CATSPERE: variants seen among roughly 807,000 people sequenced by gnomAD.
CATSPERE encodes the protein cation channel sperm-associated auxiliary subunit epsilon.
CATSPERE carries 93 observed loss-of-function variants against 114.1 expected under a neutral mutation model. The ratio of observed to expected loss-of-function variants is 0.81; its 90% CI spans 0.69 to 0.97. CATSPERE has a LOEUF of 0.97. Ranked by LOEUF, CATSPERE falls within the 50% of genes least tolerant of loss-of-function variation. The pLI is 0.00. For missense variants in CATSPERE, 1,058 were observed against 1,131.6 expected, an observed-to-expected ratio of 0.93 and a Z score of 0.93; for synonymous variants, 341 against 384.1, an observed-to-expected ratio of 0.89 and a Z score of 1.31.
intron 9 of CATSPERE, among the ~76,000 whole-genome samples, chr1:244,553,620 C>CACACACACACACACACACATATATACAT (rs1661083991): frequency 2.2e-5 from 3 of 139,198 alleles, no homozygotes; most frequent in African/African-American, 9.1e-5. Flanking sequence ...CACACACACA[C>CACACACACACACACACACATATATACAT]ACACACACAC....
chr1:244,555,310 G>A (rs1010760744), intron 9 of CATSPERE, among the ~76,000 whole-genome samples: 6 of 151,386 alleles, frequency 4.0e-5, no homozygotes, highest in African/African-American at 9.7e-5. Context: ...GCTTGAACCC[G>A]GGAGGCAGAG....
At chr1:244,480,518 G>A (rs1169598570) in intron 5 of CATSPERE, among the ~76,000 whole-genome samples, 1 of 152,124 alleles carries the variant, frequency 6.6e-6, no homozygotes. Context: ...TTTGTGTGAC[G>A]TATATGGTCT....
Position 244,574,269 on chromosome 1 carries a change from C to T in CATSPERE, c.1950+1497C>T, listed in dbSNP as rs369144217. ...GCGAACTGGAACATGCCTGTGAGCA[C>T]GTCCAGCACAGATATCTCGGTTAAA... On this transcript the variant is annotated intron_variant, in intron 11 of 21. Transcript: ENST00000366534. Among the ~76,000 whole-genome samples the T allele has an allele frequency of 1.3e-4, 20 of 152,168 alleles. 1 individual carries two copies. In the South Asian group the frequency reaches 1.7e-3, roughly 13 times the overall value.
intron 7 of CATSPERE, among the ~76,000 whole-genome samples, chr1:244,507,913 G>GCTTTGTT (rs1449508478): frequency 6.6e-6 from 1 of 152,012 alleles, no homozygotes; most frequent in African/African-American, 2.4e-5. Flanking sequence ...TATGCCCCTA[G>GCTTTGTT]CTTTGTTCTT....
At chr1:244,463,317 C>G (rs1667100179) in intron 1 of CATSPERE, among the ~76,000 whole-genome samples, 2 of 151,986 alleles carry the variant, frequency 1.3e-5, no homozygotes, top group Non-Finnish European at 2.9e-5. Flanking sequence ...TTAGATGAAT[C>G]AGATAGACGG....
intron 2 of CATSPERE, among the ~76,000 whole-genome samples, chr1:244,471,993 T>C (rs1245592857): frequency 6.6e-6 from 1 of 152,164 alleles, no homozygotes; most frequent in Non-Finnish European, 1.5e-5. Context: ...AGACTCTAAC[T>C]CTGTTGCCTA....
Position 244,575,903 on chromosome 1 carries a change from C to T in CATSPERE, c.1950+3131C>T, listed in dbSNP as rs556381098. Among the ~76,000 whole-genome samples, 1 of 152,106 alleles carries T rather than the reference C, an allele frequency of 6.6e-6. No individual in the cohort carries two copies. Among genetic ancestry groups the T allele is most frequent in the African/African-American group, 2.4e-5 (1 of 41,506 alleles). On this transcript the variant is annotated intron_variant, in intron 11 of 21. Transcript: ENST00000366534. This position sits in a 1 kb window ranked among gnomAD's most constrained non-coding sequence, Gnocchi z 4.5. Reference sequence around the variant, plus strand: ...ATGGGGATTTTTCACCTCTTTTTAACCTCTAAGACACCCTAAGAAATACTT... The same window carrying T: ...ATGGGGATTTTTCACCTCTTTTTAATCTCTAAGACACCCTAAGAAATACTT...
chr1:244,451,966 C>T (rs1274559709), upstream of CATSPERE: 1 of 757,906 alleles, frequency 1.3e-6, no homozygotes, highest in Non-Finnish European at 2.0e-6. This position sits in a 1 kb window ranked among gnomAD's most constrained non-coding sequence, Gnocchi z 6.6. Flanking sequence ...CACCCTCCAG[C>T]CAGTCCCCGC....
chr1:244,562,780 A>G (rs902450191), intron 10 of CATSPERE, among the ~76,000 whole-genome samples: 1 of 152,078 alleles, frequency 6.6e-6, no homozygotes, highest in Non-Finnish European at 1.5e-5. Flanking sequence ...ACATGTGCAG[A>G]ATGTGCAGGT....
At position 244,490,525 on chromosome 1, in the gene CATSPERE, T is replaced by C. The variant is rs1671887623; in HGVS notation, c.351+54T>C. The C allele has an allele frequency of 1.3e-5, 14 of 1,042,674 alleles. No individual in the cohort carries two copies. The South Asian group carries it at 1.8e-4, about 13-fold the overall frequency. The allele number at this position is 1,042,674 out of a possible 1,614,324, so 64.6% of individuals were successfully genotyped here. On this transcript the variant is annotated intron_variant, in intron 6 of 21. Coordinates refer to ENST00000366534, the MANE Select transcript of CATSPERE (RefSeq NM_001130957.2). ...CTTCATATATCACTAGTATATTGTTTCTCTCTTATCTTCCATATTTACCAG... is the reference window on the plus strand; with the variant it reads ...CTTCATATATCACTAGTATATTGTTCCTCTCTTATCTTCCATATTTACCAG...
intron 9 of CATSPERE, among the ~76,000 whole-genome samples, chr1:244,556,274 T>TAC (rs764399049): frequency 2.6e-4 from 39 of 151,008 alleles, no homozygotes; most frequent in Non-Finnish European, 5.2e-4. Flanking sequence ...TTATACAAGA[T>TAC]AGAGTAAAAA....
intron 21 of CATSPERE, among the ~76,000 whole-genome samples, chr1:244,637,064 A>T (rs898328737): frequency 6.6e-6 from 1 of 151,902 alleles, no homozygotes; most frequent in Non-Finnish European, 1.5e-5. Context: ...TCCCCCGAGG[A>T]CACTGCTCCA....
chr1:244,496,617 A>G (rs181910348), intron 6 of CATSPERE, among the ~76,000 whole-genome samples: 102 of 152,380 alleles, frequency 6.7e-4, no homozygotes, highest in Admixed American at 1.1e-3. Context: ...AAGGAAAGGC[A>G]TACTATTTCC....
Position 244,610,349 on chromosome 1 carries a change from G to A in CATSPERE, c.2490+23G>A, listed in dbSNP as rs747409658. 11 of 1,536,162 alleles carry A rather than the reference G, an allele frequency of 7.2e-6. No individual in the cohort carries two copies. In the Admixed American group the frequency reaches 1.7e-4, roughly 23 times the overall value. On this transcript the variant is annotated intron_variant, in intron 19 of 21. Transcript: ENST00000366534. ...GAGGTAAGAGAAACATTACCTTCCA[G>A]ATTGTTTATTTGGAATAACTAATCT...
intron 20 of CATSPERE, among the ~76,000 whole-genome samples, chr1:244,621,082 T>TATATATA (rs1292666932): frequency 2.8e-5 from 2 of 71,142 alleles, no homozygotes; most frequent in African/African-American, 5.6e-5. Context: ...AATATATATA[T>TATATATA]AAATATATAT....
intron 5 of CATSPERE, 109 bp from the exon 6 acceptor site, chr1:244,490,338 T>C (rs1671828101): frequency 1.5e-6 from 1 of 677,518 alleles, no homozygotes; most frequent in Non-Finnish European, 2.5e-6. Flanking sequence ...CGTAATGAAA[T>C]ATAAAGAGAA....
At position 244,572,491 on chromosome 1, in the gene CATSPERE, G is replaced by A; in HGVS notation, c.1669G>A (p.Asp557Asn). The change falls in exon 11 of 22, where the codon GAT (aspartate) becomes AAT (asparagine). Residue 557 changes from aspartate to asparagine, a missense_variant. Physicochemically the swap from Asp to Asn is conservative, Grantham distance 23. This residue lies in a region of CATSPERE where 787 missense variants were observed against 905.6 expected (regional missense o/e 0.87). Coordinates refer to ENST00000366534, the MANE Select transcript of CATSPERE (RefSeq NM_001130957.2). The stretch of plus-strand genomic sequence containing the variant: ...TCAAACATATTTCCTGTATGCTTTG[G>A]ATGATGGCACAATACAAATACAGGA... ...SGQTYFLYALDDGTIQIQDYP... is the reference protein window; with the variant it reads ...SGQTYFLYALNDGTIQIQDYP... The A allele has an allele frequency of 6.2e-7, 1 of 1,614,060 alleles. No homozygotes were observed. Among genetic ancestry groups the A allele is most frequent in the South Asian group, 1.1e-5 (1 of 91,082 alleles).
chr1:244,566,652 CTTTTTTTTTTTTTTTTTTT>C (rs59466928), intron 10 of CATSPERE, among the ~76,000 whole-genome samples: 33 of 49,122 alleles, frequency 6.7e-4, no homozygotes, highest in South Asian at 1.3e-3. Context: ...GCAACCCCTG[CTTTTTTTTTTTTTTTTTTT>C]TTTTTTTTTT....
At chr1:244,480,629 C>T (rs1051399604) in intron 5 of CATSPERE, among the ~76,000 whole-genome samples, 1 of 53,798 alleles carries the variant, frequency 1.9e-5, no homozygotes, top group South Asian at 5.0e-4. Context: ...TTCAGTAAAG[C>T]ATGGTTGTTG....
Sources: gnomAD v4.1 joint callset for allele counts (sites outside exome capture counted in the v4.1 genomes callset) on GRCh38, gnomAD v4.1.1 for gene constraint, gnomAD v4.1.1 regional missense constraint, Gnocchi (gnomAD v3.1) non-coding constraint, MANE v1.5 for transcripts, NCBI Gene and HGNC (gene_info 2026-07-23, HGNC 2026-07-21) for gene names.